The following SIPA1L1 variants were observed in gnomAD, a reference collection of about 807,000 sequenced individuals.
SIPA1L1 encodes signal induced proliferation associated 1 like 1, also known as signal-induced proliferation-associated 1-like protein 1.
SIPA1L1 carries 26 observed loss-of-function variants against 162.7 expected under a neutral mutation model. The ratio of observed to expected loss-of-function variants is 0.16; its 90% CI spans 0.12 to 0.22. SIPA1L1 has a LOEUF of 0.22. Ranked by LOEUF, SIPA1L1 falls within the 10% of genes least tolerant of loss-of-function variation. SIPA1L1 has a pLI of 1.00. For missense variants in SIPA1L1, 1,874 were observed against 2,241.0 expected, an observed-to-expected ratio of 0.84 and a Z score of 3.31; for synonymous variants, 829 against 837.4, an observed-to-expected ratio of 0.99 and a Z score of 0.17.
At chr14:71,546,121 G>T (rs185567775) in intron 4 of SIPA1L1, among the ~76,000 whole-genome samples, 15 of 152,054 alleles carry the variant, frequency 9.9e-5, no homozygotes, top group Non-Finnish European at 1.2e-4. Flanking sequence ...CTCATACTTA[G>T]GTTTTTTACA....
At chr14:71,737,505 C>A (rs543862123) in intron 22 of SIPA1L1, among the ~76,000 whole-genome samples, 4 of 152,004 alleles carry the variant, frequency 2.6e-5, no homozygotes, top group Admixed American at 6.5e-5. Flanking sequence ...AGCCATAGGA[C>A]CCTCGGGGTG....
chr14:71,396,824 T>G (rs1224951939), intron 2 of SIPA1L1, among the ~76,000 whole-genome samples: 1 of 152,222 alleles, frequency 6.6e-6, no homozygotes, highest in Non-Finnish European at 1.5e-5. Context: ...TAAAACTCAT[T>G]AACAAGAGCA....
intron 4 of SIPA1L1, among the ~76,000 whole-genome samples, chr14:71,561,191 A>G (rs564506181): frequency 6.6e-6 from 1 of 152,308 alleles, no homozygotes; most frequent in East Asian, 1.9e-4. Flanking sequence ...TTTTAGGCTT[A>G]CCATATCATA....
intron 2 of SIPA1L1, among the ~76,000 whole-genome samples, chr14:71,476,139 C>G (rs1046736365): frequency 2.6e-4 from 39 of 152,196 alleles, no homozygotes; most frequent in Middle Eastern, 3.2e-3. Flanking sequence ...TGTATACACA[C>G]TCTTCAAGTT....
chr14:71,697,018 T>G (rs999974762), intron 13 of SIPA1L1, among the ~76,000 whole-genome samples: 1 of 152,078 alleles, frequency 6.6e-6, no homozygotes, highest in Non-Finnish European at 1.5e-5. Context: ...TTAATGGGGA[T>G]GGAGATGAGG....
chr14:71,577,898 A>C (rs2033343332), intron 4 of SIPA1L1, among the ~76,000 whole-genome samples: 2 of 150,826 alleles, frequency 1.3e-5, no homozygotes, highest in South Asian at 4.2e-4. Context: ...CGCCTGGCTA[A>C]TTTTTTTTAT....
chr14:71,563,838 G>A (rs12433040), intron 4 of SIPA1L1, among the ~76,000 whole-genome samples: 127,338 of 152,300 alleles, frequency 0.84, 53,844 homozygotes, highest in African/African-American at 0.95. Context: ...TTACTGCACT[G>A]TATGTATATT....
intron 7 of SIPA1L1, among the ~76,000 whole-genome samples, chr14:71,630,007 T>C (rs1423966346): frequency 6.6e-6 from 1 of 152,248 alleles, no homozygotes; most frequent in Admixed American, 6.5e-5. Flanking sequence ...CATTTTCTCT[T>C]TGATTCAGGC....
intron 2 of SIPA1L1, among the ~76,000 whole-genome samples, chr14:71,442,896 A>G (rs182076114): frequency 1.4e-4 from 21 of 152,338 alleles, no homozygotes; most frequent in African/African-American, 4.6e-4. Flanking sequence ...TAATTATGCC[A>G]TTCTACTCCA....
intron 2 of SIPA1L1, among the ~76,000 whole-genome samples, chr14:71,392,714 T>C (rs1051651307): frequency 6.6e-6 from 1 of 151,928 alleles, no homozygotes; most frequent in Non-Finnish European, 1.5e-5. Flanking sequence ...TTTTTTTTTT[T>C]AGTAGAGACG....
At chr14:71,334,549 T>C (rs1409057671) in intron 2 of SIPA1L1, among the ~76,000 whole-genome samples, 3 of 152,150 alleles carry the variant, frequency 2.0e-5, no homozygotes, top group African/African-American at 7.2e-5. Context: ...TACTTGAGAG[T>C]GTGGTACCAG....
At chr14:71,694,702 A>G (rs1482295298) in intron 13 of SIPA1L1, among the ~76,000 whole-genome samples, 5 of 152,268 alleles carry the variant, frequency 3.3e-5, no homozygotes, top group Non-Finnish European at 7.3e-5. Flanking sequence ...CCTGTATTCA[A>G]CAGAATGGAA....
At position 71,560,774 on chromosome 14, in the gene SIPA1L1, G is replaced by A. The variant is rs569503487; in HGVS notation, c.-302-26797G>A. The stretch of plus-strand genomic sequence containing the variant: ...TGGACTGTGTCTTCCATACCTGCTG[G>A]AGTGAGGACAGTATGTATTAGATAA... On this transcript the variant is annotated intron_variant, in intron 4 of 23. Transcript: ENST00000381232. Among the ~76,000 whole-genome samples the A allele has an allele frequency of 5.9e-5, 9 of 152,328 alleles. No homozygotes were observed. The South Asian group carries it at 1.2e-3, about 21-fold the overall frequency.
chr14:71,631,903 A>G (rs2040610657), intron 7 of SIPA1L1, among the ~76,000 whole-genome samples: 1 of 152,250 alleles, frequency 6.6e-6, no homozygotes, highest in South Asian at 2.1e-4. Flanking sequence ...GGAAGTAGTT[A>G]AGAGAGTTAT....
At chr14:71,447,799 GCT>G (rs1161248046) in intron 2 of SIPA1L1, among the ~76,000 whole-genome samples, 1 of 151,932 alleles carries the variant, frequency 6.6e-6, no homozygotes. Context: ...GAACTCCTGA[GCT>G]CTGGCAATCC....
chr14:71,640,546 A>G (rs555342595), intron 7 of SIPA1L1, among the ~76,000 whole-genome samples: 23 of 152,360 alleles, frequency 1.5e-4, no homozygotes, highest in African/African-American at 3.8e-4. Context: ...CAGAGCTTGT[A>G]TAGGGCTTTG....
Position 71,596,346 on chromosome 14 carries a change from G to T in SIPA1L1, c.1498+6976G>T, listed in dbSNP as rs547575543. ...TGACTAGGGGCTGCCCAGGAGGAGT[G>T]TGGCCCAGCTCAAAAATTGTAGTAG... On this transcript the variant is annotated intron_variant, in intron 5 of 23. Coordinates refer to ENST00000381232, the MANE Select transcript of SIPA1L1 (RefSeq NM_001386936.1). 3.5e-4 allele frequency among the ~76,000 whole-genome samples: 53 copies of T among 152,290 alleles called. No homozygotes were observed. In the East Asian group the frequency reaches 6.9e-3, roughly 20 times the overall value.
At chr14:71,672,310 T>A in intron 11 of SIPA1L1, 38 bp from the exon 12 acceptor site, 1 of 1,605,974 alleles carries the variant, frequency 6.2e-7, no homozygotes, top group Non-Finnish European at 8.5e-7. Context: ...TAATACCCTA[T>A]TGCTTTAAAC....
rs762720482 is a variant in SIPA1L1, at chr14:71,739,050, G to C, written c.5241G>C (p.Glu1747Asp). ...EKEDKAHLQAEVQHLREDNLR... is the reference protein window; with the variant it reads ...EKEDKAHLQADVQHLREDNLR... Reference sequence around the variant, plus strand: ...AAGACAAAGCTCACCTTCAGGCGGAGGTGCAGCACCTGCGAGAGGACAACC... The same window carrying C: ...AAGACAAAGCTCACCTTCAGGCGGACGTGCAGCACCTGCGAGAGGACAACC... The change falls in exon 24 of 24, where the codon GAG (glutamate) becomes GAC (aspartate). Residue 1747 changes from glutamate (E) to aspartate (D), a missense_variant. By Grantham distance (45) the Glu-to-Asp change is conservative (BLOSUM62 2). Transcript: ENST00000381232. The C allele has an allele frequency of 6.2e-7, 1 of 1,613,976 alleles. No individual in the cohort carries two copies. The highest frequency in any genetic ancestry group is 8.5e-7 in the Non-Finnish European group (1 of 1,179,922).
Sources: gnomAD v4.1 joint callset for allele counts (sites outside exome capture counted in the v4.1 genomes callset) on GRCh38, gnomAD v4.1.1 for gene constraint, MANE v1.5 for transcripts, NCBI Gene and HGNC (gene_info 2026-07-23, HGNC 2026-07-21) for gene names.